ICE2: variants seen among roughly 807,000 people sequenced by gnomAD.
ICE2 encodes interactor of little elongation complex ELL subunit 2, also known as little elongation complex subunit 2.
ICE2 carries 87 observed loss-of-function variants against 105.4 expected under a neutral mutation model. The observed-to-expected ratio is 0.83, with a 90% confidence interval of 0.69 to 0.99. ICE2 has a LOEUF of 0.99. Among genes scored for constraint, ICE2 ranks in the 50% least tolerant of loss-of-function variants. The pLI, the probability that ICE2 is intolerant of heterozygous loss-of-function variation, is 0.00. For missense variants in ICE2, 1,323 were observed against 1,146.7 expected, an observed-to-expected ratio of 1.15 and a Z score of -2.22; for synonymous variants, 399 against 392.0, an observed-to-expected ratio of 1.02 and a Z score of -0.21.
chr15:60,457,538 T>C (rs1361324847), intron 5 of ICE2, among the ~76,000 whole-genome samples: 3 of 152,190 alleles, frequency 2.0e-5, no homozygotes, highest in Non-Finnish European at 2.9e-5. Context: ...ACAAAAGCTC[T>C]TGACATCTTC....
At chr15:60,432,448 C>A (rs973280446) in intron 13 of ICE2, among the ~76,000 whole-genome samples, 9 of 151,792 alleles carry the variant, frequency 5.9e-5, no homozygotes, top group Non-Finnish European at 1.0e-4. Flanking sequence ...CCTCGGCCTC[C>A]CAAAGTGCTG....
intron 6 of ICE2, 98 bp from the exon 7 acceptor site, chr15:60,455,540 A>G (rs2064084339): frequency 5.5e-6 from 4 of 723,332 alleles, no homozygotes; most frequent in East Asian, 2.7e-5. Flanking sequence ...CTTGAACTTT[A>G]TAATTCTACT....
intron 11 of ICE2, 42 bp downstream of exon 11, chr15:60,447,928 T>A: frequency 6.7e-7 from 1 of 1,490,734 alleles, no homozygotes; most frequent in Non-Finnish European, 9.2e-7. Flanking sequence ...ATCTATTGAT[T>A]ATTTATGTGA....
chr15:60,470,931 C>G (rs1339145315), intron 3 of ICE2, among the ~76,000 whole-genome samples: 1 of 152,104 alleles, frequency 6.6e-6, no homozygotes, highest in Non-Finnish European at 1.5e-5. Context: ...GGGTATCAGT[C>G]TGATACGGCT....
chr15:60,457,782 C>G (rs888503128), intron 5 of ICE2, among the ~76,000 whole-genome samples: 6 of 152,186 alleles, frequency 3.9e-5, no homozygotes. Flanking sequence ...GTAACTAACA[C>G]AGATGTGGAC....
intron 3 of ICE2, 120 bp downstream of exon 3, chr15:60,475,943 T>C (rs924687656): frequency 4.7e-6 from 3 of 632,678 alleles, no homozygotes; most frequent in African/African-American, 3.8e-5. Flanking sequence ...GTGTTAAAAG[T>C]TGTTTTACTT....
At chr15:60,443,980 A>G (rs2063772046) in intron 11 of ICE2, among the ~76,000 whole-genome samples, 1 of 152,108 alleles carries the variant, frequency 6.6e-6, no homozygotes, top group African/African-American at 2.4e-5. Flanking sequence ...ACATGCTTAC[A>G]GTTCTAGTTA....
rs140815144 is a variant in ICE2 at position 60,452,816 on chromosome 15, A to T, written c.1125+787T>A. ...TTACAGATAAGCAAACTAGACACAG[A>T]GATATTATGTAATCTGCCCGAGGTC... On this transcript the variant is annotated intron_variant, in intron 9 of 15. Transcript: ENST00000261520. 308 of 964,848 alleles carry T rather than the reference A, an allele frequency of 3.2e-4. No individual in the cohort carries two copies. In the East Asian group the frequency reaches 8.8e-3, roughly 28 times the overall value. 59.8% of individuals were successfully genotyped at this position (964,848 alleles called of 1,614,324 possible).
chr15:60,464,814 T>G (rs947455832), intron 5 of ICE2, among the ~76,000 whole-genome samples: 13 of 152,116 alleles, frequency 8.5e-5, no homozygotes, highest in African/African-American at 3.1e-4. Context: ...GTCAGGAGTT[T>G]GAGACCAGCC....
chr15:60,471,774 G>T (rs1309047698), intron 3 of ICE2, among the ~76,000 whole-genome samples: 2 of 150,674 alleles, frequency 1.3e-5, no homozygotes, highest in African/African-American at 2.4e-5. Flanking sequence ...CTTTCTCAAA[G>T]TTTCTATGGA....
chr15:60,450,273 G>A (rs1476589809), intron 9 of ICE2, among the ~76,000 whole-genome samples: 1 of 152,190 alleles, frequency 6.6e-6, no homozygotes, highest in Non-Finnish European at 1.5e-5. Context: ...TGAGGACGCT[G>A]CTTTTTAATG....
At chr15:60,467,856 A>C (rs556842002) in intron 4 of ICE2, among the ~76,000 whole-genome samples, 2 of 152,342 alleles carry the variant, frequency 1.3e-5, no homozygotes, top group African/African-American at 4.8e-5. Context: ...GATGAACTGG[A>C]GTGAGTCATG....
Position 60,468,148 on chromosome 15 carries a change from A to G in ICE2, c.321T>C (p.Ser107=). 6.2e-7 allele frequency: 1 copy of G among 1,614,026 alleles called. No homozygotes were observed. Among genetic ancestry groups the G allele is most frequent in the Non-Finnish European group, 8.5e-7 (1 of 1,179,964 alleles). Residue 107 remains serine (S), a synonymous_variant, in exon 4 of 16, where the codon AGT becomes AGC. Coordinates refer to ENST00000261520, the MANE Select transcript of ICE2 (RefSeq NM_024611.6). ...CGTATTTAACCAACAAGTCCACATA[A>G]CTCCTCTGCTCTCTCTGTGAGAAAC... ...FSRFSQREQR[S]YVDLLVKYAK...
chr15:60,466,278 G>T (rs2064425260), intron 5 of ICE2, among the ~76,000 whole-genome samples: 1 of 152,186 alleles, frequency 6.6e-6, no homozygotes, highest in African/African-American at 2.4e-5. Context: ...TAGGGACCAG[G>T]ATAACGCTTT....
intron 15 of ICE2, among the ~76,000 whole-genome samples, chr15:60,428,146 A>G (rs1354352550): frequency 6.6e-6 from 1 of 152,224 alleles, no homozygotes; most frequent in South Asian, 2.1e-4. Flanking sequence ...TCATAGGAAT[A>G]TAAGGGTTTA....
At chr15:60,456,584 TACACACACAC>T (rs368911245) in intron 6 of ICE2, 63 bp downstream of exon 6, 18 of 197,730 alleles carry the variant, frequency 9.1e-5, no homozygotes, top group African/African-American at 6.1e-4. Flanking sequence ...TATATATATA[TACACACACAC>T]ACACACACAC....
At chr15:60,443,536 C>G (rs1370222291) in intron 11 of ICE2, among the ~76,000 whole-genome samples, 1 of 152,162 alleles carries the variant, frequency 6.6e-6, no homozygotes, top group Non-Finnish European at 1.5e-5. Flanking sequence ...TGCCCTTGAA[C>G]TACGTGCATG....
chr15:60,476,061 A>G lies in ICE2; in HGVS notation c.146+2T>C. 3 of 1,560,174 alleles carry G rather than the reference A, an allele frequency of 1.9e-6. No homozygotes were observed. The highest frequency in any genetic ancestry group is 1.4e-5 in the African/African-American group (1 of 72,716). Reference sequence around the variant, plus strand: ...AAATAAATAACCAAATAAACATATTACCTGTTGGATAAAACACGTAGTTCT... The same window carrying G: ...AAATAAATAACCAAATAAACATATTGCCTGTTGGATAAAACACGTAGTTCT... On this transcript the variant is annotated splice_donor_variant, in intron 3 of 15. Transcript: ENST00000261520. LOFTEE classifies it high-confidence loss of function.
intron 13 of ICE2, among the ~76,000 whole-genome samples, chr15:60,435,478 A>T (rs1182776074): frequency 6.6e-6 from 1 of 151,868 alleles, no homozygotes; most frequent in Non-Finnish European, 1.5e-5. Context: ...GCATGCCTGT[A>T]ATCCCAGCTA....
Sources: allele counts gnomAD v4.1 joint callset (sites outside exome capture counted in the v4.1 genomes callset), GRCh38; gene constraint gnomAD v4.1.1; transcripts MANE v1.5; gene names NCBI Gene and HGNC (gene_info 2026-07-23, HGNC 2026-07-21).